ARB2A: variants seen among roughly 807,000 people sequenced by gnomAD.
The protein encoded by ARB2A is ARB2 cotranscriptional regulator A.
chr5:94,086,337 GC>G, the ARB2A span, among the ~76,000 whole-genome samples: 1 of 152,032 alleles, frequency 6.6e-6, no homozygotes, highest in Non-Finnish European at 1.5e-5. Flanking sequence ...TAAGACAGTG[GC>G]CCCATAGGAT....
the ARB2A span, among the ~76,000 whole-genome samples, chr5:93,678,678 C>T: frequency 9.2e-5 from 14 of 151,966 alleles, no homozygotes; most frequent in Non-Finnish European, 1.3e-4. Context: ...ATCGCTTGAA[C>T]CCAGAAGGCG....
chr5:93,721,650 A>T, the ARB2A span, among the ~76,000 whole-genome samples: 5 of 152,130 alleles, frequency 3.3e-5, no homozygotes, highest in Admixed American at 2.6e-4. Context: ...ACGTTGAGGA[A>T]CTTATTAGCT....
At chr5:93,995,621 A>G in the ARB2A span, among the ~76,000 whole-genome samples, 2 of 152,164 alleles carry the variant, frequency 1.3e-5, no homozygotes, top group Non-Finnish European at 2.9e-5. Flanking sequence ...GCATCAAGTT[A>G]TAGGCAGATT....
the ARB2A span, among the ~76,000 whole-genome samples, chr5:93,974,688 A>G: frequency 1.3e-5 from 2 of 152,334 alleles, no homozygotes; most frequent in South Asian, 4.1e-4. Context: ...AGGATTGCTG[A>G]CATGCTTGGT....
the ARB2A span, among the ~76,000 whole-genome samples, chr5:93,744,931 T>A: frequency 6.6e-6 from 1 of 152,174 alleles, no homozygotes; most frequent in Non-Finnish European, 1.5e-5. Context: ...ATAATCTAAA[T>A]GAGGGAGAAG....
the ARB2A span, among the ~76,000 whole-genome samples, chr5:93,995,896 A>C: frequency 6.6e-6 from 1 of 152,216 alleles, no homozygotes; most frequent in African/African-American, 2.4e-5. Flanking sequence ...GGAAACTAAA[A>C]GAAACTTCTG....
At chr5:93,850,789 C>T in the ARB2A span, among the ~76,000 whole-genome samples, 1 of 152,036 alleles carries the variant, frequency 6.6e-6, no homozygotes, top group Non-Finnish European at 1.5e-5. Flanking sequence ...TCAATATGAA[C>T]ATTTTTTCAT....
the ARB2A span, among the ~76,000 whole-genome samples, chr5:93,946,924 T>C: frequency 1.7e-4 from 26 of 152,208 alleles, no homozygotes; most frequent in Admixed American, 1.6e-3. Flanking sequence ...TCCTATTTTT[T>C]TCTGTTGCTT....
At chr5:94,042,644 T>C in the ARB2A span, among the ~76,000 whole-genome samples, 1 of 152,162 alleles carries the variant, frequency 6.6e-6, no homozygotes, top group South Asian at 2.1e-4. Flanking sequence ...TAATGGGTTA[T>C]AAAAAGTTTA....
At chr5:93,890,722 C>T in the ARB2A span, among the ~76,000 whole-genome samples, 5 of 151,906 alleles carry the variant, frequency 3.3e-5, no homozygotes, top group African/African-American at 1.2e-4. Flanking sequence ...CCCTTCCAGC[C>T]CTGGCTTAGA....
chr5:93,947,883 A>G, the ARB2A span, among the ~76,000 whole-genome samples: 6 of 151,764 alleles, frequency 4.0e-5, no homozygotes, highest in African/African-American at 1.2e-4. Flanking sequence ...TCCATGGTGT[A>G]TATGTGCCAC....
the ARB2A span, among the ~76,000 whole-genome samples, chr5:93,937,729 TC>T: frequency 6.6e-6 from 1 of 152,106 alleles, no homozygotes; most frequent in African/African-American, 2.4e-5. Context: ...TCCATGACCC[TC>T]TACAGATATC....
At chr5:93,681,632 T>C in the ARB2A span, among the ~76,000 whole-genome samples, 62 of 152,280 alleles carry the variant, frequency 4.1e-4, no homozygotes, top group African/African-American at 1.3e-3. Flanking sequence ...TTTTGTAAAA[T>C]TGTTATCTTT....
At chr5:93,832,485 A>G in the ARB2A span, among the ~76,000 whole-genome samples, 1 of 152,160 alleles carries the variant, frequency 6.6e-6, no homozygotes, top group Non-Finnish European at 1.5e-5. Flanking sequence ...GTGACCATCC[A>G]CTTAAGAGTG....
the ARB2A span, among the ~76,000 whole-genome samples, chr5:93,636,526 G>A: frequency 1.3e-5 from 2 of 152,312 alleles, no homozygotes; most frequent in South Asian, 4.1e-4. Context: ...AAAGATTACT[G>A]TCTATGAAAA....
chr5:94,068,744 C>G, the ARB2A span, among the ~76,000 whole-genome samples: 1 of 151,360 alleles, frequency 6.6e-6, no homozygotes. Flanking sequence ...CCCAGCTAGG[C>G]TTAGGAATTC....
chr5:93,649,017 C>T, the ARB2A span, among the ~76,000 whole-genome samples: 6 of 152,130 alleles, frequency 3.9e-5, no homozygotes, highest in Non-Finnish European at 5.9e-5. Context: ...ATGTTTGTTA[C>T]AGAAAAAAGT....
chr5:93,960,359 G>A, the ARB2A span, among the ~76,000 whole-genome samples: 3 of 152,020 alleles, frequency 2.0e-5, no homozygotes, highest in African/African-American at 4.8e-5. Flanking sequence ...AACATGTCCC[G>A]AGAATTCCAT....
the ARB2A span, among the ~76,000 whole-genome samples, chr5:94,014,325 T>C: frequency 6.6e-6 from 1 of 152,150 alleles, no homozygotes; most frequent in Admixed American, 6.5e-5. Context: ...TTACTGGAAC[T>C]GAGGTAAACA....
Sources: gnomAD v4.1 joint callset for allele counts (sites outside exome capture counted in the v4.1 genomes callset) on GRCh38, gnomAD v4.1.1 for gene constraint, MANE v1.5 for transcripts, NCBI Gene and HGNC (gene_info 2026-07-23, HGNC 2026-07-21) for gene names.